Variants in EFCAB11 observed in about 807,000 individuals in gnomAD.
The protein encoded by EFCAB11 is EF-hand calcium-binding domain-containing protein 11.
Under a neutral mutation model 23.0 loss-of-function variants are expected in EFCAB11, and 14 were observed. The observed-to-expected ratio is 0.61, with a 90% confidence interval of 0.40 to 0.95. EFCAB11 has a LOEUF of 0.95. EFCAB11 is among the 40% of genes least tolerant of loss of function. The pLI is 0.00. For missense variants in EFCAB11, 198 were observed against 195.8 expected, an observed-to-expected ratio of 1.01 and a Z score of -0.07; for synonymous variants, 65 against 66.6, an observed-to-expected ratio of 0.98 and a Z score of 0.11.
chr14:89,842,604 TATG>T (rs1291537053), intron 5 of EFCAB11, among the ~76,000 whole-genome samples: 34 of 92,608 alleles, frequency 3.7e-4, no homozygotes, highest in Admixed American at 2.9e-3. Flanking sequence ...TATAATATGA[TATG>T]ATATGATATG....
chr14:89,819,759 T>C (rs1449303008), intron 5 of EFCAB11, among the ~76,000 whole-genome samples: 1 of 152,194 alleles, frequency 6.6e-6, no homozygotes, highest in Non-Finnish European at 1.5e-5. Context: ...TTAATGGTGA[T>C]GGCTATCTTC....
At chr14:89,866,952 G>A (rs995076573) in intron 5 of EFCAB11, among the ~76,000 whole-genome samples, 2 of 152,156 alleles carry the variant, frequency 1.3e-5, no homozygotes, top group Non-Finnish European at 2.9e-5. Context: ...TGTATTTTTA[G>A]TGGAGACAGG....
chr14:89,852,510 T>C (rs1230968418), intron 5 of EFCAB11, among the ~76,000 whole-genome samples: 4 of 152,168 alleles, frequency 2.6e-5, no homozygotes, highest in African/African-American at 9.7e-5. Flanking sequence ...CAAGTTCCAA[T>C]GGCCTCAATC....
At chr14:89,835,644 T>TGTGTGTGTGTGTGTGTGTG (rs1223325732) in intron 5 of EFCAB11, among the ~76,000 whole-genome samples, 23 of 57,958 alleles carry the variant, frequency 4.0e-4, no homozygotes, top group African/African-American at 1.3e-3. Context: ...GTGTGTGTGT[T>TGTGTGTGTGTGTGTGTGTG]TGAGACGTTG....
chr14:89,944,761 T>G (rs1367176328), intron 3 of EFCAB11, among the ~76,000 whole-genome samples: 1 of 151,924 alleles, frequency 6.6e-6, no homozygotes, highest in African/African-American at 2.4e-5. Context: ...AGCGATTATA[T>G]CAAGAACATG....
At chr14:89,800,280 TAC>T (rs1885733723) in intron 5 of EFCAB11, among the ~76,000 whole-genome samples, 1 of 152,132 alleles carries the variant, frequency 6.6e-6, no homozygotes, top group African/African-American at 2.4e-5. Context: ...GTAAGTCGAT[TAC>T]AGTTTCCATG....
intron 3 of EFCAB11, among the ~76,000 whole-genome samples, chr14:89,940,912 T>C (rs1241258082): frequency 1.3e-5 from 2 of 152,220 alleles, no homozygotes; most frequent in African/African-American, 2.4e-5. Flanking sequence ...GTTATTTATA[T>C]AGAATGATCT....
intron 5 of EFCAB11, among the ~76,000 whole-genome samples, chr14:89,929,860 AT>A (rs566541222): frequency 3.3e-4 from 50 of 152,364 alleles, no homozygotes; most frequent in Admixed American, 9.1e-4. Context: ...CATTGCCTGT[AT>A]CTTGAATGGC....
chr14:89,822,451 T>C (rs1170040917), intron 5 of EFCAB11, among the ~76,000 whole-genome samples: 1 of 152,184 alleles, frequency 6.6e-6, no homozygotes, highest in Non-Finnish European at 1.5e-5. Context: ...TTCAGACAAA[T>C]ACTCCTAAAT....
intron 5 of EFCAB11, among the ~76,000 whole-genome samples, chr14:89,833,921 A>G (rs1326398507): frequency 6.6e-6 from 1 of 152,192 alleles, no homozygotes; most frequent in Admixed American, 6.5e-5. Flanking sequence ...TTGTATTTCT[A>G]ATAAAATAGC....
intron 5 of EFCAB11, among the ~76,000 whole-genome samples, chr14:89,896,111 C>T (rs1229944077): frequency 6.6e-6 from 1 of 152,182 alleles, no homozygotes; most frequent in Non-Finnish European, 1.5e-5. Flanking sequence ...GGCGGCCGGG[C>T]GCGGTGGCTC....
At position 89,861,927 on chromosome 14, in the gene EFCAB11, T is replaced by C. The variant is rs368163723; in HGVS notation, c.411-64603A>G. Among the ~76,000 whole-genome samples the C allele has an allele frequency of 1.4e-3, 218 of 152,352 alleles. 1 individual carries two copies. The highest frequency in any genetic ancestry group is 2.7e-3 in the Non-Finnish European group (181 of 68,040). On this transcript the variant is annotated intron_variant, in intron 5 of 5. Transcript: ENST00000316738. Reference sequence around the variant, plus strand: ...TTGCCAAGTCTCAGGTATTCAGTTATAGCAACAAAAAATTGACAGAGACAC... The same window carrying C: ...TTGCCAAGTCTCAGGTATTCAGTTACAGCAACAAAAAATTGACAGAGACAC...
At chr14:89,869,193 CCT>C (rs2140160398) in intron 5 of EFCAB11, among the ~76,000 whole-genome samples, 1 of 152,216 alleles carries the variant, frequency 6.6e-6, no homozygotes, top group Non-Finnish European at 1.5e-5. Flanking sequence ...ACAGTGAGAC[CCT>C]GTCTCAAAAA....
chr14:89,862,072 C>T (rs1431525481), intron 5 of EFCAB11, among the ~76,000 whole-genome samples: 1 of 152,196 alleles, frequency 6.6e-6, no homozygotes, highest in Admixed American at 6.5e-5. Flanking sequence ...ATCTGGATCA[C>T]ACTCTCTTGC....
intron 5 of EFCAB11, among the ~76,000 whole-genome samples, chr14:89,918,575 A>C (rs1180872524): frequency 6.6e-6 from 1 of 151,942 alleles, no homozygotes; most frequent in African/African-American, 2.4e-5. Context: ...AAAGAAAATT[A>C]AAGGAATACA....
Position 89,839,536 on chromosome 14 carries a change from C to A in EFCAB11, c.411-42212G>T, listed in dbSNP as rs141876008. ...ATGGAACATGAGGTCTCTTTGGGGT[C>A]ATGATGGGAAGAATAAAAACAAGAG... is the stretch of plus-strand genomic sequence containing the variant. On this transcript the variant is annotated intron_variant, in intron 5 of 5. Transcript: ENST00000316738. Among the ~76,000 whole-genome samples, 620 of 152,052 alleles carry A rather than the reference C, an allele frequency of 4.1e-3. 2 individuals carry two copies. Among genetic ancestry groups the A allele is most frequent in the Admixed American group, 6.5e-3 (100 of 15,276 alleles).
In EFCAB11 at chr14:89,931,624, T is replaced by C. The variant is rs973300885; in HGVS notation, c.327A>G (p.Gly109=). 1.9e-6 allele frequency: 3 copies of C among 1,613,720 alleles called. No homozygotes were observed. Among genetic ancestry groups the C allele is most frequent in the Non-Finnish European group, 1.7e-6 (2 of 1,179,860 alleles). The change falls in exon 5 of 6, where the codon GGA becomes GGG. Residue 109 remains glycine, a synonymous_variant. Transcript: ENST00000316738. ...IFTAFDTYYR[G]FLTLEDFKKA... ...TTTTGAAATCTTCCAAAGTTAAAAA[T>C]CCACGATCTATTTGAAAACAATAAA...
At chr14:89,888,649 T>C (rs1411873535) in intron 5 of EFCAB11, among the ~76,000 whole-genome samples, 2 of 152,164 alleles carry the variant, frequency 1.3e-5, no homozygotes, top group Admixed American at 6.5e-5. Flanking sequence ...GGGATTACAG[T>C]TCAACATGAG....
Position 89,829,491 on chromosome 14 carries a change from CT to C in EFCAB11, c.411-32168del, listed in dbSNP as rs371355172. ...TGAGAAAGTTTGAACTACAAAACAA[CT>C]CTTAAATGTTTCTGCAAAATAAGAA... On this transcript the variant is annotated intron_variant, in intron 5 of 5. Coordinates refer to ENST00000316738, the MANE Select transcript of EFCAB11 (RefSeq NM_145231.4). Among the ~76,000 whole-genome samples the C allele has an allele frequency of 4.9e-3, 744 of 152,296 alleles. 6 individuals are homozygous for C. The highest frequency in any genetic ancestry group is 0.016 in the African/African-American group (660 of 41,560).
Sources: allele counts gnomAD v4.1 joint callset (sites outside exome capture counted in the v4.1 genomes callset), GRCh38; gene constraint gnomAD v4.1.1; transcripts MANE v1.5; gene names NCBI Gene and HGNC (gene_info 2026-07-23, HGNC 2026-07-21).